ABTB3: variants seen among roughly 807,000 people sequenced by gnomAD.
ABTB3 encodes the protein ankyrin repeat and BTB domain containing 3, also known as ankyrin repeat- and BTB/POZ domain-containing protein 3.
At chr12:107,608,968 T>TAAAATAAA in the ABTB3 span, among the ~76,000 whole-genome samples, 2 of 101,854 alleles carry the variant, frequency 2.0e-5, no homozygotes, top group African/African-American at 3.9e-5. Flanking sequence ...TAAAATAAAA[T>TAAAATAAA]ATAAAATAAA....
the ABTB3 span, among the ~76,000 whole-genome samples, chr12:107,475,603 G>A: frequency 6.6e-6 from 1 of 152,192 alleles, no homozygotes; most frequent in Admixed American, 6.5e-5. Flanking sequence ...AGGAGCACAG[G>A]AACTAGCTGT....
the ABTB3 span, among the ~76,000 whole-genome samples, chr12:107,385,123 C>T: frequency 9.6e-3 from 1,469 of 152,280 alleles, 35 homozygotes; most frequent in African/African-American, 0.033. Flanking sequence ...TTTCTTTCCT[C>T]GAAGGCAGCC....
chr12:107,608,035 C>G, the ABTB3 span, among the ~76,000 whole-genome samples: 1 of 152,170 alleles, frequency 6.6e-6, no homozygotes, highest in Non-Finnish European at 1.5e-5. Context: ...CCTGGCTCCT[C>G]CCCTTAGTTC....
At chr12:107,618,486 A>ATG in the ABTB3 span, 1 of 920,416 alleles carries the variant, frequency 1.1e-6, no homozygotes, top group Non-Finnish European at 1.6e-6. Flanking sequence ...AAACACGCAC[A>ATG]TGCACACACA....
chr12:107,604,127 C>A, the ABTB3 span, among the ~76,000 whole-genome samples: 3 of 151,962 alleles, frequency 2.0e-5, no homozygotes, highest in African/African-American at 7.3e-5. Context: ...CGAGATCACG[C>A]CACTGCACTC....
chr12:107,502,360 G>A, the ABTB3 span, among the ~76,000 whole-genome samples: 4 of 151,824 alleles, frequency 2.6e-5, no homozygotes, highest in African/African-American at 4.8e-5. Context: ...GTGAGCCACC[G>A]TGCCCAGCCA....
chr12:107,570,636 A>G, the ABTB3 span, among the ~76,000 whole-genome samples: 2 of 150,614 alleles, frequency 1.3e-5, no homozygotes, highest in Admixed American at 6.6e-5. Context: ...ATGTCAATCC[A>G]TTCTTGATGT....
the ABTB3 span, among the ~76,000 whole-genome samples, chr12:107,347,921 C>T: frequency 6.6e-6 from 1 of 151,994 alleles, no homozygotes; most frequent in Non-Finnish European, 1.5e-5. Context: ...CAATGAAATA[C>T]CAGCAAGCTG....
the ABTB3 span, among the ~76,000 whole-genome samples, chr12:107,536,706 T>G: frequency 2.6e-5 from 4 of 152,162 alleles, no homozygotes; most frequent in African/African-American, 9.6e-5. Flanking sequence ...TTAGAGTGGC[T>G]GTTATCAAAA....
At chr12:107,575,847 G>C in the ABTB3 span, among the ~76,000 whole-genome samples, 3 of 152,186 alleles carry the variant, frequency 2.0e-5, no homozygotes, top group South Asian at 6.2e-4. Flanking sequence ...TAGGGATTAG[G>C]ATGTGGACAT....
At chr12:107,482,775 T>C in the ABTB3 span, among the ~76,000 whole-genome samples, 2 of 151,682 alleles carry the variant, frequency 1.3e-5, no homozygotes, top group Admixed American at 6.6e-5. Flanking sequence ...CTTGCCTTCC[T>C]CCCTTCCTTC....
chr12:107,654,813 T>TACACACAC, the ABTB3 span, among the ~76,000 whole-genome samples: 4 of 95,990 alleles, frequency 4.2e-5, no homozygotes, highest in African/African-American at 2.2e-4. Flanking sequence ...GTCTACATTG[T>TACACACAC]ATACACACAC....
At chr12:107,389,629 T>G in the ABTB3 span, among the ~76,000 whole-genome samples, 1 of 152,022 alleles carries the variant, frequency 6.6e-6, no homozygotes, top group Non-Finnish European at 1.5e-5. Context: ...CATAGTAACT[T>G]AAAAAAACAA....
chr12:107,650,199 G>A, the ABTB3 span: 1 of 152,118 alleles, frequency 6.6e-6, no homozygotes, highest in Non-Finnish European at 1.5e-5. Flanking sequence ...GTGTGACTGT[G>A]GACAAGTTAT....
chr12:107,375,421 A>AAATCATCATCATCATCAT, the ABTB3 span, among the ~76,000 whole-genome samples: 13 of 106,828 alleles, frequency 1.2e-4, no homozygotes, highest in Middle Eastern at 8.1e-3. Flanking sequence ...CTGGTGTCAG[A>AAATCATCATCATCATCAT]AATCATCATC....
chr12:107,365,009 A>G, the ABTB3 span, among the ~76,000 whole-genome samples: 2 of 152,158 alleles, frequency 1.3e-5, no homozygotes, highest in Non-Finnish European at 2.9e-5. Flanking sequence ...AGTACATAGC[A>G]CACATTTGGG....
At chr12:107,533,362 G>A in the ABTB3 span, among the ~76,000 whole-genome samples, 1 of 152,106 alleles carries the variant, frequency 6.6e-6, no homozygotes, top group Admixed American at 6.5e-5. Context: ...ACCCAGCTAG[G>A]TGCTGCCCAC....
chr12:107,393,851 A>G, the ABTB3 span, among the ~76,000 whole-genome samples: 1 of 152,082 alleles, frequency 6.6e-6, no homozygotes, highest in African/African-American at 2.4e-5. Flanking sequence ...AATGGTGTGA[A>G]CCTGGGAGGC....
the ABTB3 span, among the ~76,000 whole-genome samples, chr12:107,504,258 G>A: frequency 6.6e-5 from 10 of 152,110 alleles, no homozygotes; most frequent in African/African-American, 2.2e-4. Context: ...TTATATCAGT[G>A]TGCACATGCA....
Sources: gnomAD v4.1 joint callset for allele counts (sites outside exome capture counted in the v4.1 genomes callset) on GRCh38, gnomAD v4.1.1 for gene constraint, MANE v1.5 for transcripts, NCBI Gene and HGNC (gene_info 2026-07-23, HGNC 2026-07-21) for gene names.